PCDHGA12: variants seen among roughly 807,000 people sequenced by gnomAD.
PCDHGA12 encodes the protein protocadherin gamma-A12.
A neutral mutation model predicts 61.1 loss-of-function variants in PCDHGA12; 43 were observed. The ratio of observed to expected loss-of-function variants is 0.70; its 90% CI spans 0.55 to 0.91. The LOEUF (loss-of-function observed/expected upper bound fraction) is 0.91. PCDHGA12 is among the 40% of genes least tolerant of loss of function. PCDHGA12 has a pLI of 0.00. For missense variants in PCDHGA12, 1,236 were observed against 1,227.7 expected (o/e 1.01, Z -0.10); for synonymous variants, 520 against 542.9 (o/e 0.96, Z 0.59).
Position 141,487,401 on chromosome 5 carries a change from T to C in PCDHGA12, c.2425-7406T>C, listed in dbSNP as rs2099644244. The C allele has an allele frequency of 6.2e-7, 1 of 1,614,134 alleles. No individual in the cohort carries two copies. The highest frequency in any genetic ancestry group is 1.3e-5 in the African/African-American group (1 of 75,046). On this transcript the variant is annotated intron_variant, in intron 1 of 3. Transcript: ENST00000252085. This position sits in a 1 kb window ranked among gnomAD's most constrained non-coding sequence, Gnocchi z 5.0. ...ACCAGATCTCGAAGGAGGGAGGGGCTTCCCCCTTCCAATGGGATCCTCCGA... is the reference window on the plus strand; with the variant it reads ...ACCAGATCTCGAAGGAGGGAGGGGCCTCCCCCTTCCAATGGGATCCTCCGA...
chr5:141,436,267 T>C (rs2097805427), intron 1 of PCDHGA12, among the ~76,000 whole-genome samples: 1 of 152,198 alleles, frequency 6.6e-6, no homozygotes, highest in South Asian at 2.1e-4. Flanking sequence ...TCTGCTCACC[T>C]AACTTGATTT....
Position 141,430,855 on chromosome 5 carries a change from C to T in PCDHGA12, c.96C>T (p.Arg32=). The T allele has an allele frequency of 4.4e-6, 7 of 1,588,596 alleles. No homozygotes were observed. Among genetic ancestry groups the T allele is most frequent in the Non-Finnish European group, 6.0e-6 (7 of 1,169,210 alleles). Residue 32 remains arginine (R), a synonymous_variant, in exon 1 of 4, where the codon CGC becomes CGT. Coordinates refer to ENST00000252085, the MANE Select transcript of PCDHGA12 (RefSeq NM_003735.3). Reference sequence around the variant, plus strand: ...GGGAGACCGGATGCACCCAGATACGCTATTCAGTTCCGGAAGAGCTGGAGA... The same window carrying T: ...GGGAGACCGGATGCACCCAGATACGTTATTCAGTTCCGGAAGAGCTGGAGA... ...TLWETGCTQI[R]YSVPEELEKG...
chr5:141,438,072 A>C (rs761630845), intron 1 of PCDHGA12, among the ~76,000 whole-genome samples: 1 of 152,158 alleles, frequency 6.6e-6, no homozygotes, highest in Non-Finnish European at 1.5e-5. Flanking sequence ...AACCATACTT[A>C]ATGGAAAATT....
Position 141,432,830 on chromosome 5 carries a change from C to G in PCDHGA12, c.2071C>G (p.Leu691Val), listed in dbSNP as rs780093171. Residue 691 changes from leucine to valine, a missense_variant, in exon 1 of 4, where the codon CTG becomes GTG. Coordinates refer to ENST00000252085, the MANE Select transcript of PCDHGA12 (RefSeq NM_003735.3). The surrounding 1 kb of genome is among the most constrained non-coding windows in gnomAD (Gnocchi z 6.0). ...TAACTCTGAAACCTCAGACCTCACT[C>G]TGTACCTGGTGGTAGCGGTGGCCGC... ...PANSETSDLT[L>V]YLVVAVAAVS... 4 of 1,614,208 alleles carry G rather than the reference C, an allele frequency of 2.5e-6. No individual in the cohort carries two copies. The highest frequency in any genetic ancestry group is 2.2e-5 in the East Asian group (1 of 44,874).
At chr5:141,436,588 G>A (rs1182294845) in intron 1 of PCDHGA12, among the ~76,000 whole-genome samples, 3 of 152,138 alleles carry the variant, frequency 2.0e-5, no homozygotes, top group Non-Finnish European at 2.9e-5. Context: ...AATTTGAAAG[G>A]TCGTGGTGAT....
At chr5:141,474,323 C>T (rs1176074252) in intron 1 of PCDHGA12, among the ~76,000 whole-genome samples, 2 of 152,186 alleles carry the variant, frequency 1.3e-5, no homozygotes, top group Non-Finnish European at 2.9e-5. Context: ...GTTTTCAAAT[C>T]ACCCTGATGT....
chr5:141,470,869 T>C (rs1215083835), intron 1 of PCDHGA12, among the ~76,000 whole-genome samples: 1 of 151,910 alleles, frequency 6.6e-6, no homozygotes, highest in African/African-American at 2.4e-5. Context: ...TTTGTTTGTT[T>C]GTTTTTTTGT....
chr5:141,486,137 G>A lies in PCDHGA12; in HGVS notation c.2425-8670G>A, dbSNP rs1187526031. 1 of 1,614,074 alleles carries A rather than the reference G, an allele frequency of 6.2e-7. No individual in the cohort carries two copies. On this transcript the variant is annotated intron_variant, in intron 1 of 3. Coordinates refer to ENST00000252085, the MANE Select transcript of PCDHGA12 (RefSeq NM_003735.3). The surrounding 1 kb of genome is among the most constrained non-coding windows in gnomAD (Gnocchi z 5.0). ...GAATTACTATGAATTTGATGTGCGGGCTCGCGATGGGGGTTCTCCAGCCAT... is the reference window on the plus strand; with the variant it reads ...GAATTACTATGAATTTGATGTGCGGACTCGCGATGGGGGTTCTCCAGCCAT...
chr5:141,458,578 TG>T, intron 1 of PCDHGA12, among the ~76,000 whole-genome samples: 1 of 152,138 alleles, frequency 6.6e-6, no homozygotes. Context: ...TTTGTTTGTT[TG>T]TTTGTTTTGG....
At chr5:141,484,589 C>T (rs2154580160) in intron 1 of PCDHGA12, among the ~76,000 whole-genome samples, 1 of 152,074 alleles carries the variant, frequency 6.6e-6, no homozygotes, top group African/African-American at 2.4e-5. Context: ...GGAAGCTACT[C>T]ATTTAGAATA....
In PCDHGA12 at chr5:141,431,339, T is replaced by A. The variant is rs1374646530; in HGVS notation, c.580T>A (p.Leu194Met). 7.4e-6 allele frequency: 12 copies of A among 1,613,942 alleles called. No homozygotes were observed. In the Admixed American group the frequency reaches 1.2e-4, roughly 16 times the overall value. ...AGCCGACGGTAGTAAGTACCCCGAA[T>A]TGGTGCTGAAACGCGCCCTGGACCG... ...NGADGSKYPE[L>M]VLKRALDREE... The change falls in exon 1 of 4, where the codon TTG (leucine) becomes ATG (methionine). Residue 194 changes from leucine to methionine, a missense_variant. Leu to Met is a conservative substitution (Grantham distance 15, BLOSUM62 2). Coordinates refer to ENST00000252085, the MANE Select transcript of PCDHGA12 (RefSeq NM_003735.3). This position sits in a 1 kb window ranked among gnomAD's most constrained non-coding sequence, Gnocchi z 4.8.
In PCDHGA12 at chr5:141,505,574, CCT is replaced by C. The variant is rs562555098; in HGVS notation, c.2572+94_2572+95del. 5.3e-5 allele frequency: 85 copies of C among 1,593,636 alleles called. No individual in the cohort carries two copies. The African/African-American group carries it at 1.0e-3, about 20-fold the overall frequency. On this transcript the variant is annotated intron_variant, in intron 3 of 3. Coordinates refer to ENST00000252085, the MANE Select transcript of PCDHGA12 (RefSeq NM_003735.3). ...CCATGCCCACGGACTGGATGTCAAACCTGTGTAGTTTCTCCAGATCTTTCGGC... is the reference window on the plus strand; with the variant it reads ...CCATGCCCACGGACTGGATGTCAAACGTGTAGTTTCTCCAGATCTTTCGGC...
chr5:141,474,500 C>G (rs183956979), intron 1 of PCDHGA12, among the ~76,000 whole-genome samples: 31 of 152,324 alleles, frequency 2.0e-4, no homozygotes, highest in African/African-American at 6.3e-4. Context: ...CTTCTAATGC[C>G]TATCAGCCCT....
intron 1 of PCDHGA12, chr5:141,475,986 G>T: frequency 2.8e-6 from 3 of 1,089,866 alleles, no homozygotes; most frequent in Non-Finnish European, 3.9e-6. Context: ...CAGCCGGCGA[G>T]CAAATCAACG....
Position 141,491,245 on chromosome 5 carries a change from G to A in PCDHGA12, c.2425-3562G>A, listed in dbSNP as rs1171588507. ...CACAGTGCTGCTGGTTCTGGAGGATGAGGACCCTGAGGAAATGCCCAAATC... is the reference window on the plus strand; with the variant it reads ...CACAGTGCTGCTGGTTCTGGAGGATAAGGACCCTGAGGAAATGCCCAAATC... On this transcript the variant is annotated intron_variant, in intron 1 of 3. Transcript: ENST00000252085. The surrounding 1 kb of genome is among the most constrained non-coding windows in gnomAD (Gnocchi z 6.9). 2 of 1,614,086 alleles carry A rather than the reference G, an allele frequency of 1.2e-6. No individual in the cohort carries two copies. Among genetic ancestry groups the A allele is most frequent in the East Asian group, 4.5e-5 (2 of 44,888 alleles).
rs182936964 is a variant in PCDHGA12, at chr5:141,502,069, T to C, written c.2484-3324T>C. 1.1e-3 allele frequency among the ~76,000 whole-genome samples: 175 copies of C among 152,186 alleles called. 1 individual carries two copies. Among genetic ancestry groups the C allele is most frequent in the African/African-American group, 3.9e-3 (162 of 41,524 alleles). ...CCCTACTTTATTCCCATTAGCCCCC[T>C]TCACCTGGGGCTGAGAACACCTGGC... On this transcript the variant is annotated intron_variant, in intron 2 of 3. Coordinates refer to ENST00000252085, the MANE Select transcript of PCDHGA12 (RefSeq NM_003735.3).
chr5:141,485,821 T>C lies in PCDHGA12; in HGVS notation c.2425-8986T>C, dbSNP rs765768266. 4 of 1,614,134 alleles carry C rather than the reference T, an allele frequency of 2.5e-6. No homozygotes were observed. Among genetic ancestry groups the C allele is most frequent in the Admixed American group, 1.7e-5 (1 of 60,014 alleles). ...ACCGCCTGGTGCTGACTGCTGTCGATGGAGGGAACCCGCCGAGATCTGGCA... is the reference window on the plus strand; with the variant it reads ...ACCGCCTGGTGCTGACTGCTGTCGACGGAGGGAACCCGCCGAGATCTGGCA... On this transcript the variant is annotated intron_variant, in intron 1 of 3. Coordinates refer to ENST00000252085, the MANE Select transcript of PCDHGA12 (RefSeq NM_003735.3). This position sits in a 1 kb window ranked among gnomAD's most constrained non-coding sequence, Gnocchi z 5.7.
intron 1 of PCDHGA12, among the ~76,000 whole-genome samples, chr5:141,469,212 G>A (rs114294512): frequency 0.021 from 3,174 of 151,360 alleles, 54 homozygotes; most frequent in Non-Finnish European, 0.032. Flanking sequence ...TTGAAGTTGA[G>A]GCTTCAGTGA....
chr5:141,434,564 A>C (rs2097703207), intron 1 of PCDHGA12, among the ~76,000 whole-genome samples: 1 of 152,228 alleles, frequency 6.6e-6, no homozygotes, highest in Admixed American at 6.5e-5. Context: ...CCTTAAGGAC[A>C]TGCCCCTGCT....
Sources: allele counts gnomAD v4.1 joint callset (sites outside exome capture counted in the v4.1 genomes callset), GRCh38; gene constraint gnomAD v4.1.1; non-coding constraint Gnocchi (gnomAD v3.1); transcripts MANE v1.5; gene names NCBI Gene and HGNC (gene_info 2026-07-23, HGNC 2026-07-21).